Variants in YKT6 observed in about 807,000 individuals in gnomAD.
YKT6 encodes the protein YKT6 vesicular SNARE protein.
Under a neutral mutation model 29.3 loss-of-function variants are expected in YKT6, and 12 were observed. That is an observed-to-expected ratio of 0.41 (90% CI 0.26 to 0.66). The LOEUF is 0.66. YKT6 is among the 30% of genes least tolerant of loss of function. The pLI, the probability that YKT6 is intolerant of heterozygous loss-of-function variation, is 0.32. For missense variants in YKT6, 188 were observed against 243.8 expected (o/e 0.77, Z 1.52); for synonymous variants, 86 against 94.3 (o/e 0.91, Z 0.51).
In YKT6 at chr7:44,212,242, C is replaced by T. The variant is rs1216622844; in HGVS notation, c.562-5C>T. Reference sequence around the variant, plus strand: ...CTTCTCAGCTCCTCTTTGTTTTTTTCCAAGGCCCGGAAACAAAACTCATGC... The same window carrying T: ...CTTCTCAGCTCCTCTTTGTTTTTTTTCAAGGCCCGGAAACAAAACTCATGC... On this transcript the variant is annotated splice_region_variant and splice_polypyrimidine_tract_variant and intron_variant, in intron 6 of 6. Coordinates refer to ENST00000223369, the MANE Select transcript of YKT6 (RefSeq NM_006555.4). 1 of 1,613,930 alleles carries T rather than the reference C, an allele frequency of 6.2e-7. No homozygotes were observed. The highest frequency in any genetic ancestry group is 1.7e-5 in the Admixed American group (1 of 60,010).
Position 44,201,248 on chromosome 7 carries a change from C to A in YKT6, c.104+9C>A. On this transcript the variant is annotated intron_variant, in intron 1 of 6. Coordinates refer to ENST00000223369, the MANE Select transcript of YKT6 (RefSeq NM_006555.4). ...TTTTTCCAGAGATCCAGGTGAGCGGCACAGGCTGGTGGGCCGTGGCGGTCG... is the reference window on the plus strand; with the variant it reads ...TTTTTCCAGAGATCCAGGTGAGCGGAACAGGCTGGTGGGCCGTGGCGGTCG... 1.2e-6 allele frequency: 2 copies of A among 1,609,436 alleles called. No individual in the cohort carries two copies. Among genetic ancestry groups the A allele is most frequent in the Non-Finnish European group, 1.7e-6 (2 of 1,177,680 alleles).
chr7:44,205,471 C>T (rs543582012), intron 2 of YKT6, among the ~76,000 whole-genome samples: 1 of 152,288 alleles, frequency 6.6e-6, no homozygotes, highest in Admixed American at 6.5e-5. Context: ...TTGGTGACAA[C>T]CCCCTGTCCT....
chr7:44,208,306 C>A, intron 5 of YKT6, 108 bp downstream of exon 5: 2 of 1,225,978 alleles, frequency 1.6e-6, no homozygotes, highest in South Asian at 1.3e-5. Context: ...GTAACCACGG[C>A]ACTCTCCAGC....
At position 44,213,849 on chromosome 7, in the gene YKT6, T is replaced by C. The variant is rs1334086032; in HGVS notation, c.*1567T>C. On this transcript the variant is annotated 3_prime_UTR_variant, in exon 7 of 7. Coordinates refer to ENST00000223369, the MANE Select transcript of YKT6 (RefSeq NM_006555.4). ...CTCTGGGTACTGCTGGCCAGAGGAC[T>C]TTAGCCTACCCCTGAAGAGCCTGTC... 5 of 152,288 alleles carry C rather than the reference T, an allele frequency of 3.3e-5. No individual in the cohort carries two copies. The highest frequency in any genetic ancestry group is 1.2e-4 in the African/African-American group (5 of 41,442). The allele number at this position is 152,288 out of a possible 1,614,324, so 9.4% of individuals were successfully genotyped here. A position where few individuals can be genotyped will look rare whatever the true frequency, so the allele number is the denominator to read the frequency against.
chr7:44,207,514 G>GCAGA lies in YKT6; in HGVS notation c.393+25_393+28dup, dbSNP rs761879672. 3 of 1,607,212 alleles carry GCAGA rather than the reference G, an allele frequency of 1.9e-6. No individual in the cohort carries two copies. The African/African-American group carries it at 4.0e-5, about 21-fold the overall frequency. ...CCAGGTAGGGTTAAAGGAAGCTTCA[G>GCAGA]CAGACACCATGTGGCCCAGAATCCA... On this transcript the variant is annotated intron_variant, in intron 4 of 6. Transcript: ENST00000223369.
At chr7:44,210,613 C>T (rs2096345661) in intron 5 of YKT6, 1 of 344,900 alleles carries the variant, frequency 2.9e-6, no homozygotes, top group Non-Finnish European at 5.7e-6. Flanking sequence ...CACTCTCCAA[C>T]CCAGTACAAT....
chr7:44,212,386 G>A lies in YKT6; in HGVS notation c.*104G>A. ...GCCATAGACGAGGAGCCAGAGTGGG[G>A]GCAGACTGGCCATTTTTATTTTGAA... On this transcript the variant is annotated 3_prime_UTR_variant, in exon 7 of 7. Coordinates refer to ENST00000223369, the MANE Select transcript of YKT6 (RefSeq NM_006555.4). The A allele has an allele frequency of 5.6e-6, 8 of 1,424,820 alleles. No individual in the cohort carries two copies. Among genetic ancestry groups the A allele is most frequent in the Non-Finnish European group, 7.8e-6 (8 of 1,029,688 alleles). 88.3% of individuals were successfully genotyped at this position (1,424,820 alleles called of 1,614,324 possible). A position where few individuals can be genotyped will look rare whatever the true frequency, so the allele number is the denominator to read the frequency against.
rs901688676 is a variant in YKT6, at chr7:44,213,075, C to T, written c.*793C>T. The T allele has an allele frequency of 6.6e-6, 1 of 152,206 alleles. No homozygotes were observed. Among genetic ancestry groups the T allele is most frequent in the South Asian group, 2.1e-4 (1 of 4,832 alleles). The allele number at this position is 152,206 out of a possible 1,614,324, so 9.4% of individuals were successfully genotyped here. A position where few individuals can be genotyped will look rare whatever the true frequency, so the allele number is the denominator to read the frequency against. On this transcript the variant is annotated 3_prime_UTR_variant, in exon 7 of 7. Transcript: ENST00000223369. ...GATGTTTTCCTGGTGTTTGGATGGT[C>T]AGCTGGGAGTGTCCATCATCAGGGG...
chr7:44,201,044 A>G lies in YKT6; in HGVS notation c.-92A>G, dbSNP rs570383516. 28 of 1,051,280 alleles carry G rather than the reference A, an allele frequency of 2.7e-5. No individual in the cohort carries two copies. The African/African-American group carries it at 4.1e-4, about 15-fold the overall frequency. The allele number at this position is 1,051,280 out of a possible 1,614,324, so 65.1% of individuals were successfully genotyped here. A position where few individuals can be genotyped will look rare whatever the true frequency, so the allele number is the denominator to read the frequency against. ...AGCAGCCGGCTGCTGAGAGGCCGGTAGGCGGCGGCGGTCCCGAGGGGCGGC... is the reference window on the plus strand; with the variant it reads ...AGCAGCCGGCTGCTGAGAGGCCGGTGGGCGGCGGCGGTCCCGAGGGGCGGC... On this transcript the variant is annotated 5_prime_UTR_variant, in exon 1 of 7. Transcript: ENST00000223369.
Position 44,201,024 on chromosome 7 carries a change from C to A in YKT6, c.-112C>A. On this transcript the variant is annotated 5_prime_UTR_variant, in exon 1 of 7. Transcript: ENST00000223369. ...AAGCCGGCGGTGGCCCCGTCAGCAG[C>A]CGGCTGCTGAGAGGCCGGTAGGCGG... 1.2e-6 allele frequency: 1 copy of A among 848,344 alleles called. No homozygotes were observed. Among genetic ancestry groups the A allele is most frequent in the Non-Finnish European group, 1.7e-6 (1 of 578,076 alleles). The allele number at this position is 848,344 out of a possible 1,614,324, so 52.6% of individuals were successfully genotyped here.
intron 3 of YKT6, among the ~76,000 whole-genome samples, 182 bp downstream of exon 3, chr7:44,206,667 C>T (rs2096341234): frequency 6.6e-6 from 1 of 152,144 alleles, no homozygotes; most frequent in Non-Finnish European, 1.5e-5. Flanking sequence ...TATGGGTTTC[C>T]TCCCCGGTGC....
At chr7:44,201,351 GC>G (rs1165815426) in intron 1 of YKT6, 112 bp downstream of exon 1, 2 of 292,282 alleles carry the variant, frequency 6.8e-6, no homozygotes, top group African/African-American at 5.0e-5. Context: ...GGTGGAGGAG[GC>G]CAAGGGTAGG....
At chr7:44,208,912 G>C (rs2096343816) in intron 5 of YKT6, among the ~76,000 whole-genome samples, 1 of 152,106 alleles carries the variant, frequency 6.6e-6, no homozygotes, top group Non-Finnish European at 1.5e-5. Context: ...GCAGCTCTCA[G>C]ATCCGCCCCA....
chr7:44,211,213 GTCTT>G, intron 6 of YKT6, 89 bp downstream of exon 6: 1 of 1,172,958 alleles, frequency 8.5e-7, no homozygotes, highest in East Asian at 2.5e-5. Context: ...CTATGAACGG[GTCTT>G]TCTTAGACTG....
intron 1 of YKT6, among the ~76,000 whole-genome samples, 175 bp from the exon 2 acceptor site, chr7:44,204,393 T>C (rs2096338776): frequency 6.6e-6 from 1 of 152,092 alleles, no homozygotes; most frequent in African/African-American, 2.4e-5. Context: ...TGATGATAAT[T>C]CATAATTATC....
At chr7:44,202,389 G>A (rs1562741098) in intron 1 of YKT6, among the ~76,000 whole-genome samples, 1 of 152,084 alleles carries the variant, frequency 6.6e-6, no homozygotes, top group Admixed American at 6.5e-5. Flanking sequence ...ACTGTCAATC[G>A]TCTCCAGAAC....
intron 6 of YKT6, among the ~76,000 whole-genome samples, chr7:44,211,991 A>G (rs1297614118): frequency 6.6e-6 from 1 of 152,164 alleles, no homozygotes; most frequent in African/African-American, 2.4e-5. Context: ...TCACTTTTTG[A>G]TAGCATTAAT....
Position 44,201,154 on chromosome 7 carries a change from A to G in YKT6, c.19A>G (p.Ser7Gly), listed in dbSNP as rs778906573. 2.5e-6 allele frequency: 4 copies of G among 1,609,116 alleles called. No homozygotes were observed. In the African/African-American group the frequency reaches 5.4e-5, roughly 22 times the overall value. Reference sequence around the variant, plus strand: ...CGGAGCCATGAAGCTGTACAGCCTCAGCGTCCTCTACAAAGGCGAGGCCAA... The same window carrying G: ...CGGAGCCATGAAGCTGTACAGCCTCGGCGTCCTCTACAAAGGCGAGGCCAA... MKLYSL[S>G]VLYKGEAKVV... Residue 7 changes from serine to glycine, a missense_variant, in exon 1 of 7, where the codon AGC (serine) becomes GGC (glycine). This residue lies in a region of YKT6 where 71 missense variants were observed against 67.3 expected (regional missense o/e 1.05). Coordinates refer to ENST00000223369, the MANE Select transcript of YKT6 (RefSeq NM_006555.4).
intron 1 of YKT6, among the ~76,000 whole-genome samples, chr7:44,203,778 A>G (rs1051918718): frequency 6.6e-6 from 1 of 152,160 alleles, no homozygotes; most frequent in Non-Finnish European, 1.5e-5. Context: ...TCAGTTACCT[A>G]TATGGCTCTG....
Sources: allele counts gnomAD v4.1 joint callset (sites outside exome capture counted in the v4.1 genomes callset), GRCh38; gene constraint gnomAD v4.1.1; regional missense constraint gnomAD v4.1.1; transcripts MANE v1.5; gene names NCBI Gene and HGNC (gene_info 2026-07-23, HGNC 2026-07-21).